LRIG1: variants seen among roughly 807,000 people sequenced by gnomAD.
LRIG1 encodes leucine rich repeats and immunoglobulin like domains 1.
Under a neutral mutation model 99.2 loss-of-function variants are expected in LRIG1, and 48 were observed. The ratio of observed to expected loss-of-function variants is 0.48; its 90% CI spans 0.38 to 0.62. LRIG1 has a LOEUF of 0.62. Ranked by LOEUF, LRIG1 falls within the 20% of genes least tolerant of loss-of-function variation. The pLI is 0.00. For missense variants in LRIG1, 1,646 were observed against 1,434.4 expected, an observed-to-expected ratio of 1.15 and a Z score of -2.38; for synonymous variants, 772 against 596.1, an observed-to-expected ratio of 1.29 and a Z score of -4.30.
chr3:66,468,107 C>G (rs977933145), intron 1 of LRIG1, among the ~76,000 whole-genome samples: 7 of 152,230 alleles, frequency 4.6e-5, no homozygotes, highest in Non-Finnish European at 1.0e-4. Flanking sequence ...CAAGCACCTT[C>G]CTGGATTACA....
At position 66,379,565 on chromosome 3, in the gene LRIG1, C is replaced by G. The variant is rs1281389644; in HGVS notation, c.*698G>C. 1 of 152,206 alleles carries G rather than the reference C, an allele frequency of 6.6e-6. No homozygotes were observed. The highest frequency in any genetic ancestry group is 1.5e-5 in the Non-Finnish European group (1 of 68,030). 9.4% of individuals were successfully genotyped at this position (152,206 alleles called of 1,614,324 possible). On this transcript the variant is annotated 3_prime_UTR_variant, in exon 19 of 19. Transcript: ENST00000273261. Reference sequence around the variant, plus strand: ...TTTTGCTTGTGATGGATTAACAACCCTCATTCTACGCCTTACAGACGGACA... The same window carrying G: ...TTTTGCTTGTGATGGATTAACAACCGTCATTCTACGCCTTACAGACGGACA...
chr3:66,451,317 A>G (rs1249521264), intron 3 of LRIG1, among the ~76,000 whole-genome samples: 1 of 152,152 alleles, frequency 6.6e-6, no homozygotes, highest in Admixed American at 6.5e-5. Flanking sequence ...ATTAAAAAAA[A>G]AAAAGACAAA....
At chr3:66,383,854 C>CAA in intron 14 of LRIG1, 137 bp downstream of exon 14, 6 of 1,300,582 alleles carry the variant, frequency 4.6e-6, no homozygotes, top group Non-Finnish European at 6.2e-6. Context: ...TAACTCAACT[C>CAA]AAAAAGCAGC....
Position 66,441,419 on chromosome 3 carries a change from CTG to C in LRIG1, c.365+10138_365+10139del, listed in dbSNP as rs1703535417. Among the ~76,000 whole-genome samples the C allele has an allele frequency of 2.0e-5, 3 of 152,118 alleles. No individual in the cohort carries two copies. In the South Asian group the frequency reaches 6.2e-4, roughly 32 times the overall value. ...CTGACGACAAGAGTGTTTTTCCTCA[CTG>C]TACCTTTCACAGATGGCCGGCATAA... On this transcript the variant is annotated intron_variant, in intron 3 of 18. Coordinates refer to ENST00000273261, the MANE Select transcript of LRIG1 (RefSeq NM_015541.3).
intron 3 of LRIG1, among the ~76,000 whole-genome samples, chr3:66,450,804 T>A (rs1397524051): frequency 6.6e-6 from 1 of 152,144 alleles, no homozygotes; most frequent in Non-Finnish European, 1.5e-5. Flanking sequence ...GGTGCTCTGC[T>A]GGGGAAGCTG....
At chr3:66,501,043 G>A (rs1036538426), upstream of LRIG1, 2 of 152,578 alleles carry the variant, frequency 1.3e-5, no homozygotes, top group African/African-American at 2.4e-5. Flanking sequence ...CCGCGGCCCA[G>A]CCCCGGCCGG....
intron 1 of LRIG1, among the ~76,000 whole-genome samples, chr3:66,463,643 C>A (rs1700406162): frequency 1.3e-5 from 2 of 152,180 alleles, no homozygotes; most frequent in African/African-American, 4.8e-5. Flanking sequence ...CAAAGTCTAC[C>A]CAGCCCCGTG....
intron 3 of LRIG1, among the ~76,000 whole-genome samples, chr3:66,419,366 G>C (rs751103987): frequency 1.3e-5 from 2 of 152,194 alleles, no homozygotes; most frequent in African/African-American, 2.4e-5. Context: ...TCTGCATAAA[G>C]GACCCTGTGC....
At chr3:66,446,009 G>C (rs1703704553) in intron 3 of LRIG1, among the ~76,000 whole-genome samples, 2 of 152,190 alleles carry the variant, frequency 1.3e-5, no homozygotes, top group Admixed American at 6.5e-5. Context: ...GCCCTGAGCT[G>C]CAGCAGATCA....
rs527492089 is a variant in LRIG1, at chr3:66,418,934, G to A, written c.366-1668C>T. On this transcript the variant is annotated intron_variant, in intron 3 of 18. Transcript: ENST00000273261. ...CTTCCTCTCCTCCCCAGCCCCCAAA[G>A]CCACTTCCTTTGAGTTCTTTATTAA... Among the ~76,000 whole-genome samples the A allele has an allele frequency of 2.0e-5, 3 of 152,032 alleles. No individual in the cohort carries two copies. In the East Asian group the frequency reaches 5.8e-4, roughly 29 times the overall value.
rs1403625 is a variant in LRIG1 at position 66,500,332 on chromosome 3, G to C, written c.76C>G (p.Leu26Val). The change falls in exon 1 of 19, where the codon CTT (leucine) becomes GTT (valine). Residue 26 changes from leucine (L) to valine (V), a missense_variant. Leu to Val is a conservative substitution (Grantham distance 32). Transcript: ENST00000273261. ...GCGGCGGTCACCGGCTCCAGCCGAAGCAAAAGCAGCCAGAGAAGGAGAAGG... is the reference window on the plus strand; with the variant it reads ...GCGGCGGTCACCGGCTCCAGCCGAACCAAAAGCAGCCAGAGAAGGAGAAGG... ...PCLLLLWLLL[L>V]RLEPVTAAAG... 0.94 allele frequency: 1,406,712 copies of C among 1,494,546 alleles called. 679,457 individuals carry two copies. Among genetic ancestry groups the C allele is most frequent in the Non-Finnish European group, 0.99 (1,116,816 of 1,129,328 alleles). 92.6% of individuals were successfully genotyped at this position (1,494,546 alleles called of 1,614,324 possible).
chr3:66,445,766 G>A (rs1703695772), intron 3 of LRIG1, among the ~76,000 whole-genome samples: 1 of 152,190 alleles, frequency 6.6e-6, no homozygotes, highest in African/African-American at 2.4e-5. Context: ...TGAAGAGAAG[G>A]ACAAGACGTC....
intron 1 of LRIG1, among the ~76,000 whole-genome samples, chr3:66,485,617 TATAA>T (rs1700954386): frequency 6.6e-6 from 1 of 152,230 alleles, no homozygotes. Context: ...CTTTACTGTT[TATAA>T]ATAGTTTACT....
chr3:66,452,954 G>A (rs1703954887), intron 2 of LRIG1, among the ~76,000 whole-genome samples: 1 of 152,170 alleles, frequency 6.6e-6, no homozygotes, highest in South Asian at 2.1e-4. Context: ...TTGTTTGTGT[G>A]TTGAAATAGA....
At chr3:66,419,532 G>C (rs985482129) in intron 3 of LRIG1, among the ~76,000 whole-genome samples, 1 of 152,164 alleles carries the variant, frequency 6.6e-6, no homozygotes, top group Non-Finnish European at 1.5e-5. Context: ...GCGAATGTCT[G>C]AGGGTAGGAT....
At chr3:66,404,432 C>G in intron 9 of LRIG1, 1 of 1,193,342 alleles carries the variant, frequency 8.4e-7, no homozygotes, top group Non-Finnish European at 1.1e-6. Flanking sequence ...CCTTCCTGCA[C>G]GGTCCTTGGG....
chr3:66,405,755 G>A, intron 8 of LRIG1: 1 of 1,160,158 alleles, frequency 8.6e-7, no homozygotes, highest in Non-Finnish European at 1.1e-6. Context: ...CTCCGTACCA[G>A]CCAGTGGGTC....
rs777525384 is a variant in LRIG1 at position 66,383,410 on chromosome 3, G to C, written c.2072-9C>G. 2.7e-5 allele frequency: 42 copies of C among 1,531,752 alleles called. No homozygotes were observed. The highest frequency in any genetic ancestry group is 7.7e-5 in the South Asian group (6 of 78,094). The allele number at this position is 1,531,752 out of a possible 1,614,324, so 94.9% of individuals were successfully genotyped here. The stretch of plus-strand genomic sequence containing the variant: ...CACCAAGGATGGGGTCTCTACAAGA[G>C]AGCAACAGAGATCTTAGTCATTCTC... On this transcript the variant is annotated splice_polypyrimidine_tract_variant and intron_variant, in intron 14 of 18. Coordinates refer to ENST00000273261, the MANE Select transcript of LRIG1 (RefSeq NM_015541.3).
intron 3 of LRIG1, among the ~76,000 whole-genome samples, chr3:66,426,341 C>A (rs1702981672): frequency 6.6e-6 from 1 of 152,136 alleles, no homozygotes; most frequent in Non-Finnish European, 1.5e-5. Context: ...CAAAAACAAG[C>A]AGTGGGCCAG....
Sources: allele counts gnomAD v4.1 joint callset (sites outside exome capture counted in the v4.1 genomes callset), GRCh38; gene constraint gnomAD v4.1.1; transcripts MANE v1.5; gene names NCBI Gene and HGNC (gene_info 2026-07-23, HGNC 2026-07-21).